CPEB3: variants seen among roughly 807,000 people sequenced by gnomAD.
CPEB3 encodes cytoplasmic polyadenylation element binding protein 3.
Under a neutral mutation model 67.2 loss-of-function variants are expected in CPEB3, and 20 were observed. That is an observed-to-expected ratio of 0.30 (90% CI 0.21 to 0.43). CPEB3 has a LOEUF of 0.43. CPEB3 is among the 20% of genes least tolerant of loss of function. The pLI is 1.00. For synonymous variants in CPEB3, 376 were observed against 393.1 expected (o/e 0.96, Z 0.51); for missense variants, 746 against 968.6 (o/e 0.77, Z 3.05).
chr10:92,148,933 C>A (rs1846825522), intron 4 of CPEB3, among the ~76,000 whole-genome samples: 1 of 143,540 alleles, frequency 7.0e-6, no homozygotes, highest in Admixed American at 7.1e-5. Flanking sequence ...CAGAGTCTCG[C>A]TCTGTCACCC....
At chr10:92,193,625 A>C (rs1301556260) in intron 2 of CPEB3, among the ~76,000 whole-genome samples, 3 of 146,770 alleles carry the variant, frequency 2.0e-5, no homozygotes, top group African/African-American at 5.0e-5. Context: ...TAATTAAAAA[A>C]AATTTTTTTT....
Position 92,274,234 on chromosome 10 carries a change from A to T in CPEB3, c.-12+16692T>A, listed in dbSNP as rs186558756. 5.8e-3 allele frequency among the ~76,000 whole-genome samples: 891 copies of T among 152,308 alleles called. 6 individuals carry two copies. Among genetic ancestry groups the T allele is most frequent in the Middle Eastern group, 0.017 (5 of 294 alleles). On this transcript the variant is annotated intron_variant, in intron 1 of 9. Transcript: ENST00000265997. ...AGGGCCCAACACATGCCCATTGCAG[A>T]TGTTCAGTAAGTAGATGCCAAACAA... is the stretch of plus-strand genomic sequence containing the variant.
chr10:92,088,182 GCTTTT>G (rs1403151420), intron 8 of CPEB3, among the ~76,000 whole-genome samples: 3 of 149,814 alleles, frequency 2.0e-5, no homozygotes, highest in Non-Finnish European at 1.5e-5. Context: ...TTTCAGCTTT[GCTTTT>G]CTTTTCCTTT....
At chr10:92,165,403 C>CTT (rs34205234) in intron 4 of CPEB3, among the ~76,000 whole-genome samples, 1,773 of 121,396 alleles carry the variant, frequency 0.015, 50 homozygotes, top group South Asian at 0.043. Context: ...CTTTTTTCTT[C>CTT]TTTTTTTTTT....
chr10:92,065,812 G>A (rs553319450), intron 9 of CPEB3, among the ~76,000 whole-genome samples: 1 of 151,816 alleles, frequency 6.6e-6, no homozygotes, highest in African/African-American at 2.4e-5. Context: ...AAGTCAGCTC[G>A]GCCAGGTGCA....
In CPEB3 at chr10:92,239,827, G is replaced by C. The variant is rs773197389; in HGVS notation, c.524C>G (p.Pro175Arg). 1 of 1,474,136 alleles carries C rather than the reference G, an allele frequency of 6.8e-7. No individual in the cohort carries two copies. The highest frequency in any genetic ancestry group is 9.0e-7 in the Non-Finnish European group (1 of 1,113,096). 91.3% of individuals were successfully genotyped at this position (1,474,136 alleles called of 1,614,324 possible). Residue 175 changes from proline (P) to arginine (R), a missense_variant, in exon 2 of 10, where the codon CCG becomes CGG. Around this residue, in one of 2 missense-constraint regions of CPEB3, gnomAD observed 643 missense variants for 717.5 expected, o/e 0.90. Transcript: ENST00000265997. The surrounding 1 kb of genome is among the most constrained non-coding windows in gnomAD (Gnocchi z 6.0). ...QPPPPAPAPQ[P>R]AQPAQPPQAQ... ...CTGTGGTGGCTGCGCTGGCTGTGCC[G>C]GCTGCGGCGCGGGCGCAGGCGGCGG...
chr10:92,238,401 A>G (rs1564895893), intron 2 of CPEB3, among the ~76,000 whole-genome samples: 1 of 152,206 alleles, frequency 6.6e-6, no homozygotes, highest in African/African-American at 2.4e-5. Context: ...TGTCTGGGGC[A>G]CATCCTGAGT....
intron 1 of CPEB3, among the ~76,000 whole-genome samples, chr10:92,270,186 AAG>A (rs1445735335): frequency 6.6e-6 from 1 of 152,222 alleles, no homozygotes; most frequent in Non-Finnish European, 1.5e-5. Context: ...TCAAGTGAAT[AAG>A]AGAGACTTCA....
At chr10:92,195,046 A>AACACACACACACAC (rs371911549) in intron 2 of CPEB3, among the ~76,000 whole-genome samples, 13 of 117,152 alleles carry the variant, frequency 1.1e-4, no homozygotes, top group African/African-American at 3.4e-4. Context: ...TGTCTCAAAA[A>AACACACACACACAC]ACACACACAC....
intron 4 of CPEB3, among the ~76,000 whole-genome samples, chr10:92,166,787 G>C (rs1847764673): frequency 6.6e-6 from 1 of 152,166 alleles, no homozygotes; most frequent in Non-Finnish European, 1.5e-5. Context: ...CCCCTAACAA[G>C]AGAGTCAGCC....
At chr10:92,270,224 C>T (rs1366264169) in intron 1 of CPEB3, among the ~76,000 whole-genome samples, 5 of 152,184 alleles carry the variant, frequency 3.3e-5, no homozygotes, top group South Asian at 2.1e-4. Flanking sequence ...AATAACTTCA[C>T]GGCAGTTGTG....
chr10:92,259,533 G>A (rs1421050744), intron 1 of CPEB3, among the ~76,000 whole-genome samples: 4 of 151,778 alleles, frequency 2.6e-5, no homozygotes, highest in East Asian at 2.0e-4. Context: ...CCCGGGAGGC[G>A]GAAGTTGCAG....
At chr10:92,094,887 C>T (rs567200252) in intron 7 of CPEB3, among the ~76,000 whole-genome samples, 3 of 151,882 alleles carry the variant, frequency 2.0e-5, no homozygotes, top group African/African-American at 7.2e-5. Context: ...AATCTCATTC[C>T]TAATAAAGCA....
At chr10:92,275,205 T>G (rs1160265149) in intron 1 of CPEB3, among the ~76,000 whole-genome samples, 1 of 152,232 alleles carries the variant, frequency 6.6e-6, no homozygotes, top group Non-Finnish European at 1.5e-5. Flanking sequence ...TTGTTGTGAG[T>G]GGCTCTCCTG....
chr10:92,279,280 T>A (rs1261096097), intron 1 of CPEB3, among the ~76,000 whole-genome samples: 1 of 152,204 alleles, frequency 6.6e-6, no homozygotes. Flanking sequence ...AACAGATCAG[T>A]GAACACCCTG....
intron 1 of CPEB3, among the ~76,000 whole-genome samples, chr10:92,288,116 T>A (rs1842620157): frequency 6.6e-6 from 1 of 152,230 alleles, no homozygotes; most frequent in Non-Finnish European, 1.5e-5. Flanking sequence ...ATGTGGTTTA[T>A]CCATTCATCA....
intron 2 of CPEB3, among the ~76,000 whole-genome samples, chr10:92,219,810 T>A (rs779476484): frequency 6.6e-6 from 1 of 152,192 alleles, no homozygotes; most frequent in African/African-American, 2.4e-5. Flanking sequence ...TATTACCTTC[T>A]GATGAGCTCA....
chr10:92,186,045 T>A (rs979061199), intron 3 of CPEB3, among the ~76,000 whole-genome samples: 1 of 151,964 alleles, frequency 6.6e-6, no homozygotes, highest in Non-Finnish European at 1.5e-5. Flanking sequence ...TGTTTCCTCA[T>A]TTAATAAAGA....
chr10:92,194,719 C>G (rs1157734124), intron 2 of CPEB3, among the ~76,000 whole-genome samples: 1 of 152,064 alleles, frequency 6.6e-6, no homozygotes, highest in Admixed American at 6.6e-5. Flanking sequence ...TACTCTGAGC[C>G]TCAAGGGAAA....
Sources: allele counts gnomAD v4.1 joint callset (sites outside exome capture counted in the v4.1 genomes callset), GRCh38; gene constraint gnomAD v4.1.1; regional missense constraint gnomAD v4.1.1; non-coding constraint Gnocchi (gnomAD v3.1); transcripts MANE v1.5; gene names NCBI Gene and HGNC (gene_info 2026-07-23, HGNC 2026-07-21).